The following PSMF1 variants were observed in gnomAD, a reference collection of about 807,000 sequenced individuals.
The protein encoded by PSMF1 is proteasome inhibitor subunit 1, also known as proteasome inhibitor PI31 subunit.
A neutral mutation model predicts 29.3 loss-of-function variants in PSMF1; 30 were observed. The ratio of observed to expected loss-of-function variants is 1.02; its 90% CI spans 0.77 to 1.39. The LOEUF is 1.39. PSMF1 is among the 40% of genes most tolerant of loss of function. PSMF1 has a pLI of 0.00. For missense variants in PSMF1, 344 were observed against 357.5 expected (o/e 0.96, Z 0.31); for synonymous variants, 134 against 139.7 (o/e 0.96, Z 0.29).
intron 4 of PSMF1, among the ~76,000 whole-genome samples, chr20:1,159,862 G>A (rs573151866): frequency 1.1e-4 from 16 of 152,254 alleles, no homozygotes; most frequent in African/African-American, 3.9e-4. Flanking sequence ...GACTGGAGGA[G>A]CACCTACTTT....
Position 1,133,569 on chromosome 20 carries a change from A to ATATATATATATATATATATATTTT in PSMF1, c.366-1551_366-1550insATATATATATATATATATATTTTT. The stretch of plus-strand genomic sequence containing the variant: ...TCTATATATGTGTATATATATATAT[A>ATATATATATATATATATATATTTT]TTTTTTTTTTTTTTTTGGTGTAGTC... On this transcript the variant is annotated intron_variant, in intron 3 of 6. Coordinates refer to ENST00000335877, the MANE Select transcript of PSMF1 (RefSeq NM_006814.5). 2.1e-3 allele frequency among the ~76,000 whole-genome samples: 110 copies of ATATATATATATATATATATATTTT among 53,220 alleles called. 1 individual carries two copies. The highest frequency in any genetic ancestry group is 3.8e-3 in the Non-Finnish European group (83 of 21,854). The allele number at this position is 53,220 out of a possible 152,430, so 34.9% of individuals were successfully genotyped here.
intron 4 of PSMF1, among the ~76,000 whole-genome samples, chr20:1,146,102 C>G (rs6040122): frequency 0.11 from 17,038 of 152,128 alleles, 1,048 homozygotes; most frequent in African/African-American, 0.14. Flanking sequence ...ATGCACTTCC[C>G]CTGTGGCATG....
At chr20:1,150,875 T>G (rs1490642598) in intron 4 of PSMF1, among the ~76,000 whole-genome samples, 1 of 152,218 alleles carries the variant, frequency 6.6e-6, no homozygotes, top group Non-Finnish European at 1.5e-5. Flanking sequence ...CCTCATATAT[T>G]TTCTCCTAGA....
intron 2 of PSMF1, 102 bp downstream of exon 2, chr20:1,125,752 A>C: frequency 7.0e-7 from 1 of 1,425,958 alleles, no homozygotes; most frequent in South Asian, 1.3e-5. Context: ...ATGTTCATGT[A>C]GCCCTTACCT....
At chr20:1,159,360 T>C (rs1028814595) in intron 4 of PSMF1, among the ~76,000 whole-genome samples, 4 of 152,046 alleles carry the variant, frequency 2.6e-5, no homozygotes, top group Non-Finnish European at 5.9e-5. Flanking sequence ...ATGGTTTTGC[T>C]ATGCTGGCCA....
chr20:1,125,939 C>T lies in PSMF1; in HGVS notation c.282+289C>T, dbSNP rs749693971. 7.2e-6 allele frequency: 4 copies of T among 552,066 alleles called. No homozygotes were observed. In the Admixed American group the frequency reaches 8.5e-5, roughly 12 times the overall value. The allele number at this position is 552,066 out of a possible 1,614,324, so 34.2% of individuals were successfully genotyped here. On this transcript the variant is annotated intron_variant, in intron 2 of 6. Transcript: ENST00000335877. ...GATAGAAGGGAAAAACTTAGGTAAC[C>T]CCAATGGGCTACTTCAGTTCCTTAA...
upstream of PSMF1, among the ~76,000 whole-genome samples, chr20:1,114,244 G>T (rs1269996122): frequency 6.6e-6 from 1 of 152,136 alleles, no homozygotes; most frequent in Admixed American, 6.5e-5. Flanking sequence ...TCCCGGGTAG[G>T]AGTGCGGTCC....
chr20:1,123,533 A>G (rs2086117040), intron 1 of PSMF1, among the ~76,000 whole-genome samples: 1 of 152,102 alleles, frequency 6.6e-6, no homozygotes, highest in South Asian at 2.1e-4. Context: ...TCTTTAAATC[A>G]TATTTTTTCT....
At chr20:1,155,696 T>TA (rs1333370169) in intron 4 of PSMF1, among the ~76,000 whole-genome samples, 1 of 152,220 alleles carries the variant, frequency 6.6e-6, no homozygotes, top group African/African-American at 2.4e-5. Flanking sequence ...AACTGGCTCT[T>TA]CAGGTCCCAG....
chr20:1,129,697 C>T (rs1350382365), intron 3 of PSMF1, among the ~76,000 whole-genome samples: 1 of 152,196 alleles, frequency 6.6e-6, no homozygotes, highest in East Asian at 1.9e-4. Flanking sequence ...CAAGCGTTGT[C>T]AAGGATGTGG....
chr20:1,163,451 T>G lies in PSMF1; in HGVS notation c.605+268T>G, dbSNP rs2086691529. On this transcript the variant is annotated intron_variant, in intron 5 of 6. Coordinates refer to ENST00000335877, the MANE Select transcript of PSMF1 (RefSeq NM_006814.5). The surrounding 1 kb of genome is among the most constrained non-coding windows in gnomAD (Gnocchi z 6.1). The stretch of plus-strand genomic sequence containing the variant: ...TCCCGGTCCCCCTGCCCACCCTAGT[T>G]TATCAGATGTATAGTGAGGAGCACA... Among the ~76,000 whole-genome samples the G allele has an allele frequency of 6.6e-6, 1 of 152,158 alleles. No individual in the cohort carries two copies. Among genetic ancestry groups the G allele is most frequent in the African/African-American group, 2.4e-5 (1 of 41,434 alleles).
intron 4 of PSMF1, among the ~76,000 whole-genome samples, chr20:1,153,044 C>G (rs1036051042): frequency 2.8e-4 from 42 of 152,182 alleles, no homozygotes; most frequent in Non-Finnish European, 1.5e-5. Context: ...TGTTAATTGA[C>G]ATTCTCACTA....
chr20:1,124,521 T>C (rs2086129011), intron 1 of PSMF1, among the ~76,000 whole-genome samples: 1 of 149,130 alleles, frequency 6.7e-6, no homozygotes, highest in South Asian at 2.2e-4. Context: ...TCTTATAAAT[T>C]AAAAGCTTTT....
chr20:1,114,461 T>A (rs909129167), upstream of PSMF1, among the ~76,000 whole-genome samples: 1 of 152,232 alleles, frequency 6.6e-6, no homozygotes, highest in Non-Finnish European at 1.5e-5. Flanking sequence ...ACCAGTGTTC[T>A]GTAAGATGCC....
chr20:1,157,609 C>A (rs2086610341), intron 4 of PSMF1, among the ~76,000 whole-genome samples: 1 of 152,136 alleles, frequency 6.6e-6, no homozygotes, highest in South Asian at 2.1e-4. Context: ...CATGCACAAA[C>A]ATGTTTTTAA....
intron 4 of PSMF1, among the ~76,000 whole-genome samples, chr20:1,150,345 G>A (rs754159049): frequency 6.6e-6 from 1 of 152,160 alleles, no homozygotes; most frequent in African/African-American, 2.4e-5. Context: ...AAGGGAGGGT[G>A]CAATAACGGC....
At chr20:1,158,188 G>A (rs2086618635) in intron 4 of PSMF1, among the ~76,000 whole-genome samples, 1 of 151,644 alleles carries the variant, frequency 6.6e-6, no homozygotes, top group East Asian at 2.0e-4. Flanking sequence ...AATTTTGCTA[G>A]TGGATGTCAA....
chr20:1,119,087 C>T (rs2086049438), intron 1 of PSMF1, among the ~76,000 whole-genome samples, 185 bp downstream of exon 1: 1 of 152,202 alleles, frequency 6.6e-6, no homozygotes, highest in Non-Finnish European at 1.5e-5. Flanking sequence ...AGCCCAGAGT[C>T]CCTCACGGCA....
chr20:1,121,020 G>C (rs1049975574), intron 1 of PSMF1, among the ~76,000 whole-genome samples: 12 of 152,156 alleles, frequency 7.9e-5, no homozygotes, highest in African/African-American at 2.7e-4. Flanking sequence ...AGGGACATGA[G>C]TTCACATAAG....
Sources: allele counts gnomAD v4.1 joint callset (sites outside exome capture counted in the v4.1 genomes callset), GRCh38; gene constraint gnomAD v4.1.1; non-coding constraint Gnocchi (gnomAD v3.1); transcripts MANE v1.5; gene names NCBI Gene and HGNC (gene_info 2026-07-23, HGNC 2026-07-21).